Variants in GTF2A1 observed in about 807,000 individuals in gnomAD.
GTF2A1 encodes the protein general transcription factor IIA subunit 1, also known as transcription initiation factor IIA subunit 1.
Under a neutral mutation model 54.1 loss-of-function variants are expected in GTF2A1, and 12 were observed. The ratio of observed to expected loss-of-function variants is 0.22; its 90% confidence interval spans 0.14 to 0.36. The LOEUF (loss-of-function observed/expected upper bound fraction) is 0.36, where lower values mean the gene tolerates loss of function less well. GTF2A1 is among the 10% of genes least tolerant of loss of function. The pLI, the probability that GTF2A1 is intolerant of heterozygous loss-of-function variation, is 1.00. For missense variants in GTF2A1, 335 were observed against 442.2 expected (o/e 0.76, Z 2.17); for synonymous variants, 145 against 152.0 (o/e 0.95, Z 0.34).
chr14:81,220,338 A>G (rs1893599244), intron 1 of GTF2A1, 151 bp downstream of exon 1: 1 of 235,910 alleles, frequency 4.2e-6, no homozygotes, highest in African/African-American at 2.4e-5. Context: ...CTCCGGCCCG[A>G]TCCGCCCGAG....
chr14:81,175,489 T>G lies in GTF2A1; in HGVS notation c.*4734A>C, dbSNP rs1231433765. ...AAATAAGATATCTTTATTATGATTA[T>G]GTTAATAGTTAAAATTTGCATGTTT... On this transcript the variant is annotated 3_prime_UTR_variant, in exon 9 of 9. Coordinates refer to ENST00000553612, the MANE Select transcript of GTF2A1 (RefSeq NM_015859.4). The G allele has an allele frequency of 6.6e-6, 1 of 152,246 alleles. No homozygotes were observed. Among genetic ancestry groups the G allele is most frequent in the East Asian group, 1.9e-4 (1 of 5,206 alleles). The allele number at this position is 152,246 out of a possible 1,614,324, so 9.4% of individuals were successfully genotyped here.
At chr14:81,213,002 A>G (rs1348368813) in intron 2 of GTF2A1, among the ~76,000 whole-genome samples, 1 of 152,234 alleles carries the variant, frequency 6.6e-6, no homozygotes, top group African/African-American at 2.4e-5. Context: ...TAAAATAACA[A>G]ACTCATTTTA....
intron 7 of GTF2A1, among the ~76,000 whole-genome samples, chr14:81,189,472 C>T (rs1298754140): frequency 2.6e-5 from 4 of 152,038 alleles, no homozygotes; most frequent in Non-Finnish European, 5.9e-5. Flanking sequence ...GAGATCAAGA[C>T]CATCCTGGCT....
chr14:81,185,645 T>C, intron 7 of GTF2A1, 25 bp from the exon 8 acceptor site: 1 of 1,307,364 alleles, frequency 7.6e-7, no homozygotes. Context: ...AGAGTTCTTA[T>C]TACTATAAGA....
chr14:81,183,237 T>C (rs1421948918), intron 8 of GTF2A1, among the ~76,000 whole-genome samples: 1 of 152,148 alleles, frequency 6.6e-6, no homozygotes, highest in Non-Finnish European at 1.5e-5. Flanking sequence ...AAAAGAGCTG[T>C]CTCCCCTTAT....
intron 4 of GTF2A1, among the ~76,000 whole-genome samples, chr14:81,198,843 T>C (rs12883359): frequency 0.097 from 14,746 of 152,256 alleles, 790 homozygotes; most frequent in Middle Eastern, 0.18. Flanking sequence ...ACTGAGTTAA[T>C]AGTTCAACTA....
At chr14:81,188,232 T>G (rs1892791958) in intron 7 of GTF2A1, among the ~76,000 whole-genome samples, 1 of 152,194 alleles carries the variant, frequency 6.6e-6, no homozygotes, top group Non-Finnish European at 1.5e-5. Flanking sequence ...AGTAGATCCT[T>G]ATCAAATACA....
intron 2 of GTF2A1, among the ~76,000 whole-genome samples, chr14:81,212,875 A>G (rs889633885): frequency 1.3e-5 from 2 of 151,808 alleles, no homozygotes; most frequent in African/African-American, 4.8e-5. Context: ...GCACAGGTAC[A>G]GAACACTTTC....
intron 8 of GTF2A1, among the ~76,000 whole-genome samples, chr14:81,182,505 T>C (rs1892660674): frequency 6.6e-6 from 1 of 152,174 alleles, no homozygotes. Flanking sequence ...GCTGTTAACA[T>C]TCTTCCTTCA....
At chr14:81,194,094 T>C (rs1270367910) in intron 6 of GTF2A1, among the ~76,000 whole-genome samples, 2 of 152,158 alleles carry the variant, frequency 1.3e-5, no homozygotes, top group Non-Finnish European at 2.9e-5. Flanking sequence ...CCCCAACCCC[T>C]GTTAGAAACT....
intron 7 of GTF2A1, among the ~76,000 whole-genome samples, chr14:81,191,779 T>C (rs1892881417): frequency 6.6e-6 from 1 of 152,210 alleles, no homozygotes; most frequent in South Asian, 2.1e-4. Context: ...ATGATTTTTA[T>C]CTTGAAACAT....
In GTF2A1 at chr14:81,211,875, T is replaced by TATATATATATATATATATA. The variant is rs1419902730; in HGVS notation, c.132+4537_132+4538insTATATATATATATATATAT. Among the ~76,000 whole-genome samples, 584 of 68,352 alleles carry TATATATATATATATATATA rather than the reference T, an allele frequency of 8.5e-3. 39 individuals carry two copies. Among genetic ancestry groups the TATATATATATATATATATA allele is most frequent in the Non-Finnish European group, 0.01 (318 of 30,630 alleles). The allele number at this position is 68,352 out of a possible 152,430, so 44.8% of individuals were successfully genotyped here. A position where few individuals can be genotyped will look rare whatever the true frequency, so the allele number is the denominator to read the frequency against. On this transcript the variant is annotated intron_variant, in intron 2 of 8. Coordinates refer to ENST00000553612, the MANE Select transcript of GTF2A1 (RefSeq NM_015859.4). ...ACATAATTAGAGTGTATCAAGTACT[T>TATATATATATATATATATA]TATATATATATATATATATATATAT...
chr14:81,219,108 CTT>C (rs1303169478), intron 1 of GTF2A1, among the ~76,000 whole-genome samples: 3 of 152,084 alleles, frequency 2.0e-5, no homozygotes, highest in South Asian at 2.1e-4. Flanking sequence ...ATCTAAAACT[CTT>C]TGTTTTAAAT....
At chr14:81,208,738 T>C (rs559982992) in intron 2 of GTF2A1, among the ~76,000 whole-genome samples, 32 of 152,334 alleles carry the variant, frequency 2.1e-4, no homozygotes, top group African/African-American at 7.2e-4. Flanking sequence ...AACCCACCTC[T>C]TGCATCAGCA....
intron 1 of GTF2A1, among the ~76,000 whole-genome samples, chr14:81,220,069 C>T (rs2140048057): frequency 7.6e-6 from 1 of 130,874 alleles, no homozygotes; most frequent in South Asian, 2.6e-4. Context: ...TCGCCCGATT[C>T]CCCACACACA....
At chr14:81,194,532 G>A (rs1297684794) in intron 6 of GTF2A1, among the ~76,000 whole-genome samples, 1 of 152,144 alleles carries the variant, frequency 6.6e-6, no homozygotes, top group Non-Finnish European at 1.5e-5. Context: ...GTACTGCTCT[G>A]ATCTTGTCTC....
At chr14:81,214,913 G>C (rs1341999119) in intron 2 of GTF2A1, among the ~76,000 whole-genome samples, 1 of 152,192 alleles carries the variant, frequency 6.6e-6, no homozygotes, top group Non-Finnish European at 1.5e-5. Flanking sequence ...TGTTTTGGTG[G>C]AGGTGTACAA....
chr14:81,199,020 C>T (rs1893048384), intron 4 of GTF2A1, among the ~76,000 whole-genome samples: 1 of 151,828 alleles, frequency 6.6e-6, no homozygotes, highest in African/African-American at 2.4e-5. Context: ...TACTCAATTA[C>T]CCAATTTAAA....
intron 1 of GTF2A1, among the ~76,000 whole-genome samples, chr14:81,218,183 T>C (rs1232663089): frequency 6.6e-6 from 1 of 152,134 alleles, no homozygotes; most frequent in African/African-American, 2.4e-5. Context: ...ATTGACAATA[T>C]GTATGCTTTT....
Sources: gnomAD v4.1 joint callset for allele counts (sites outside exome capture counted in the v4.1 genomes callset) on GRCh38, gnomAD v4.1.1 for gene constraint, MANE v1.5 for transcripts, NCBI Gene and HGNC (gene_info 2026-07-23, HGNC 2026-07-21) for gene names.